The following SGCZ variants were observed in gnomAD, a reference collection of about 807,000 sequenced individuals.
SGCZ encodes zeta-sarcoglycan.
A neutral mutation model predicts 41.3 loss-of-function variants in SGCZ; 40 were observed. The ratio of observed to expected loss-of-function variants is 0.97; its 90% CI spans 0.75 to 1.26. The LOEUF (loss-of-function observed/expected upper bound fraction) is 1.26, where lower values mean the gene tolerates loss of function less well. SGCZ is among the 50% of genes most tolerant of loss of function. The pLI is 0.00. For synonymous variants in SGCZ, 206 were observed against 137.5 expected, an observed-to-expected ratio of 1.50 and a Z score of -3.49; for missense variants, 552 against 369.8, an observed-to-expected ratio of 1.49 and a Z score of -4.04.
At chr8:15,219,898 G>T (rs1801534579) in intron 1 of SGCZ, among the ~76,000 whole-genome samples, 1 of 152,130 alleles carries the variant, frequency 6.6e-6, no homozygotes, top group Non-Finnish European at 1.5e-5. Context: ...TTAGCTGCTT[G>T]AGATAAAATA....
chr8:14,285,734 C>T (rs1335403549), intron 3 of SGCZ, among the ~76,000 whole-genome samples: 1 of 152,034 alleles, frequency 6.6e-6, no homozygotes, highest in Non-Finnish European at 1.5e-5. Flanking sequence ...TGTCTCCACA[C>T]TTAATACTTT....
At chr8:15,034,086 A>C (rs961921686) in intron 1 of SGCZ, among the ~76,000 whole-genome samples, 4 of 152,114 alleles carry the variant, frequency 2.6e-5, no homozygotes, top group African/African-American at 9.7e-5. Context: ...ACAAAAGAAA[A>C]CCCACAATAA....
At chr8:14,675,351 C>T (rs1408642061) in intron 1 of SGCZ, among the ~76,000 whole-genome samples, 2 of 152,080 alleles carry the variant, frequency 1.3e-5, no homozygotes, top group South Asian at 2.1e-4. Flanking sequence ...AAACATTTCT[C>T]TCTTTAGAAT....
intron 7 of SGCZ, among the ~76,000 whole-genome samples, chr8:14,096,814 C>A (rs1019123082): frequency 1.3e-5 from 2 of 152,136 alleles, no homozygotes; most frequent in African/African-American, 4.8e-5. Flanking sequence ...TATTCGACTT[C>A]TTCCTGGTTT....
At chr8:14,289,020 G>C (rs1486562604) in intron 3 of SGCZ, among the ~76,000 whole-genome samples, 1 of 152,044 alleles carries the variant, frequency 6.6e-6, no homozygotes, top group Non-Finnish European at 1.5e-5. Flanking sequence ...GTGTTTTCTT[G>C]ATGGCTAACA....
intron 2 of SGCZ, among the ~76,000 whole-genome samples, chr8:14,373,102 G>T (rs1803970537): frequency 6.6e-6 from 1 of 152,110 alleles, no homozygotes; most frequent in Admixed American, 6.6e-5. Flanking sequence ...AGAAAATGAG[G>T]CTAGGAAAAG....
chr8:14,446,401 C>G (rs1450290771), intron 2 of SGCZ, among the ~76,000 whole-genome samples: 3 of 152,128 alleles, frequency 2.0e-5, no homozygotes, highest in Non-Finnish European at 4.4e-5. Context: ...CTTTGTGGGT[C>G]TGATATATCA....
chr8:14,316,985 G>A (rs968407851), intron 3 of SGCZ, among the ~76,000 whole-genome samples: 1 of 151,784 alleles, frequency 6.6e-6, no homozygotes, highest in Non-Finnish European at 1.5e-5. Flanking sequence ...CTTCTTTGCA[G>A]TGATTAGTGG....
At chr8:14,736,799 T>A (rs141854137) in intron 1 of SGCZ, among the ~76,000 whole-genome samples, 1 of 152,134 alleles carries the variant, frequency 6.6e-6, no homozygotes, top group South Asian at 2.1e-4. Context: ...TTGCAAATGC[T>A]ATTAATTAGT....
intron 1 of SGCZ, among the ~76,000 whole-genome samples, chr8:14,748,572 G>A (rs1022580796): frequency 3.3e-5 from 5 of 152,040 alleles, no homozygotes; most frequent in African/African-American, 9.7e-5. Context: ...GAATATTTCG[G>A]CATGTTTCTC....
At chr8:14,637,446 G>T (rs1806870458) in intron 1 of SGCZ, among the ~76,000 whole-genome samples, 1 of 151,618 alleles carries the variant, frequency 6.6e-6, no homozygotes, top group Non-Finnish European at 1.5e-5. Flanking sequence ...CAGAATAGGC[G>T]ATTTTTCAAC....
chr8:15,038,452 A>G (rs901812519), intron 1 of SGCZ, among the ~76,000 whole-genome samples: 3 of 152,128 alleles, frequency 2.0e-5, no homozygotes, highest in African/African-American at 7.2e-5. Flanking sequence ...TACAAAAATA[A>G]CATCAAAATT....
At chr8:14,098,364 A>G (rs914899477) in intron 7 of SGCZ, among the ~76,000 whole-genome samples, 1 of 152,164 alleles carries the variant, frequency 6.6e-6, no homozygotes, top group Non-Finnish European at 1.5e-5. Flanking sequence ...AACAACAACA[A>G]AAACCCAAGG....
chr8:14,444,378 C>T (rs1800367504), intron 2 of SGCZ, among the ~76,000 whole-genome samples: 2 of 152,054 alleles, frequency 1.3e-5, no homozygotes, highest in South Asian at 2.1e-4. Context: ...TTTATTGCGG[C>T]ACTATTCACC....
intron 1 of SGCZ, among the ~76,000 whole-genome samples, chr8:15,206,593 T>A (rs1585673731): frequency 1.3e-5 from 2 of 151,902 alleles, no homozygotes; most frequent in East Asian, 3.9e-4. Flanking sequence ...GGATTACAGG[T>A]GCCCGCCACC....
intron 1 of SGCZ, among the ~76,000 whole-genome samples, chr8:14,590,697 A>G (rs542880525): frequency 4.0e-5 from 6 of 148,850 alleles, no homozygotes; most frequent in African/African-American, 1.5e-4. Context: ...GTACATATAT[A>G]TGTATAAACA....
At chr8:14,652,960 A>G (rs909471401) in intron 1 of SGCZ, among the ~76,000 whole-genome samples, 1 of 152,164 alleles carries the variant, frequency 6.6e-6, no homozygotes, top group African/African-American at 2.4e-5. Flanking sequence ...AATATGGATC[A>G]TGTACATGAA....
chr8:15,088,305 G>A (rs1585550319), intron 1 of SGCZ, among the ~76,000 whole-genome samples: 1 of 152,176 alleles, frequency 6.6e-6, no homozygotes, highest in East Asian at 1.9e-4. Context: ...TCCTTTAAAG[G>A]AAGTTGTCTA....
chr8:14,724,104 T>C (rs144510722), intron 1 of SGCZ, among the ~76,000 whole-genome samples: 45 of 152,244 alleles, frequency 3.0e-4, no homozygotes, highest in African/African-American at 1.0e-3. Context: ...GATGTAAAAC[T>C]AGTGTATGAG....
Sources: gnomAD v4.1 joint callset for allele counts (sites outside exome capture counted in the v4.1 genomes callset) on GRCh38, gnomAD v4.1.1 for gene constraint, MANE v1.5 for transcripts, NCBI Gene and HGNC (gene_info 2026-07-23, HGNC 2026-07-21) for gene names.